Variants in ENAH observed in about 807,000 individuals in gnomAD.
ENAH encodes the protein ENAH actin regulator.
In ENAH, 23 loss-of-function variants were observed where a neutral mutation model predicts 78.7. The observed-to-expected ratio is 0.29, with a 90% CI of 0.21 to 0.41. The LOEUF (loss-of-function observed/expected upper bound fraction) is 0.41, where lower values mean the gene tolerates loss of function less well. ENAH is among the 10% of genes least tolerant of loss of function. The pLI, the probability that ENAH is intolerant of heterozygous loss-of-function variation, is 1.00. For missense variants in ENAH, 544 were observed against 691.0 expected (o/e 0.79, Z 2.39); for synonymous variants, 226 against 241.0 (o/e 0.94, Z 0.58).
rs1052217405 is a variant in ENAH, at chr1:225,491,926, T to C, written c.*5849A>G. ...ACTGCTGAAGAAATCTTTCTTGGAA[T>C]TGAAGGGAACAGTTAAATCAGATTT... On this transcript the variant is annotated 3_prime_UTR_variant, in exon 14 of 14. Coordinates refer to ENST00000366843, the MANE Select transcript of ENAH (RefSeq NM_018212.6). 4 of 152,192 alleles carry C rather than the reference T, an allele frequency of 2.6e-5. No homozygotes were observed. The highest frequency in any genetic ancestry group is 9.7e-5 in the African/African-American group (4 of 41,434). 9.4% of individuals were successfully genotyped at this position (152,192 alleles called of 1,614,324 possible).
At chr1:225,596,514 A>C (rs1390362706) in intron 1 of ENAH, among the ~76,000 whole-genome samples, 1 of 152,226 alleles carries the variant, frequency 6.6e-6, no homozygotes, top group Non-Finnish European at 1.5e-5. Flanking sequence ...GCTTCTGATT[A>C]AGAAGGAGGA....
chr1:225,562,267 T>C (rs1358517334), intron 2 of ENAH, among the ~76,000 whole-genome samples: 1 of 151,520 alleles, frequency 6.6e-6, no homozygotes, highest in African/African-American at 2.4e-5. Context: ...TCAGGAACGA[T>C]ATTCTATATA....
chr1:225,652,773 T>TG lies in ENAH; in HGVS notation c.-84dup. On this transcript the variant is annotated 5_prime_UTR_variant, in exon 1 of 14. Transcript: ENST00000366843. ...GAGGGGGGGGTCTCTCCTCCAGGGG[T>TG]GGGGAGCAGCTCGGAGACGGGAGAC... 1 of 1,176,672 alleles carries TG rather than the reference T, an allele frequency of 8.5e-7. No homozygotes were observed. The highest frequency in any genetic ancestry group is 2.8e-5 in the South Asian group (1 of 35,428). The allele number at this position is 1,176,672 out of a possible 1,614,324, so 72.9% of individuals were successfully genotyped here.
chr1:225,620,702 G>T (rs1055093206), intron 1 of ENAH, among the ~76,000 whole-genome samples: 1 of 151,830 alleles, frequency 6.6e-6, no homozygotes, highest in African/African-American at 2.4e-5. Flanking sequence ...CAGATCATAA[G>T]CTCCTTAAAT....
rs2096238759 is a variant in ENAH at position 225,494,222 on chromosome 1, AG to A, written c.*3552del. ...TGGGTCTGGTCAAAGAAAAAATACA[AG>A]GATTGTATTTTTGTATTTCTAATGA... On this transcript the variant is annotated 3_prime_UTR_variant, in exon 14 of 14. Coordinates refer to ENST00000366843, the MANE Select transcript of ENAH (RefSeq NM_018212.6). The A allele has an allele frequency of 6.6e-6, 1 of 152,034 alleles. No homozygotes were observed. The highest frequency in any genetic ancestry group is 1.5e-5 in the Non-Finnish European group (1 of 67,980). 9.4% of individuals were successfully genotyped at this position (152,034 alleles called of 1,614,324 possible). A position where few individuals can be genotyped will look rare whatever the true frequency, so the allele number is the denominator to read the frequency against.
chr1:225,652,790 A>G lies in ENAH; in HGVS notation c.-100T>C. 1 of 1,045,582 alleles carries G rather than the reference A, an allele frequency of 9.6e-7. No homozygotes were observed. The highest frequency in any genetic ancestry group is 1.2e-6 in the Non-Finnish European group (1 of 804,726). 64.8% of individuals were successfully genotyped at this position (1,045,582 alleles called of 1,614,324 possible). A position where few individuals can be genotyped will look rare whatever the true frequency, so the allele number is the denominator to read the frequency against. On this transcript the variant is annotated 5_prime_UTR_variant, in exon 1 of 14. Coordinates refer to ENST00000366843, the MANE Select transcript of ENAH (RefSeq NM_018212.6). ...TCCAGGGGTGGGGAGCAGCTCGGAG[A>G]CGGGAGACAAGTGTCCGGCTCCTCC...
chr1:225,525,537 G>A (rs907949515), intron 4 of ENAH, among the ~76,000 whole-genome samples: 6 of 151,946 alleles, frequency 3.9e-5, no homozygotes, highest in Non-Finnish European at 2.9e-5. Context: ...ACTACCCGTC[G>A]GGAGCCTTCA....
rs1553406945 is a variant in ENAH, at chr1:225,491,487, AAT to A, written c.*6286_*6287del. ...AATGCCTTTAATCTTTAAAAAAAAA[AAT>A]AAAAGAAAAAGAAAAAAAGAAAAGA... On this transcript the variant is annotated 3_prime_UTR_variant, in exon 14 of 14. Coordinates refer to ENST00000366843, the MANE Select transcript of ENAH (RefSeq NM_018212.6). 2 of 150,758 alleles carry A rather than the reference AAT, an allele frequency of 1.3e-5. No individual in the cohort carries two copies. Among genetic ancestry groups the A allele is most frequent in the Non-Finnish European group, 2.9e-5 (2 of 67,830 alleles). 9.3% of individuals were successfully genotyped at this position (150,758 alleles called of 1,614,324 possible).
intron 1 of ENAH, among the ~76,000 whole-genome samples, chr1:225,610,788 G>C (rs1225161419): frequency 1.3e-5 from 2 of 152,110 alleles, no homozygotes; most frequent in African/African-American, 2.4e-5. Flanking sequence ...CACTCCAAAA[G>C]CTGTATTTGG....
At chr1:225,566,259 GT>G (rs1160502487) in intron 2 of ENAH, among the ~76,000 whole-genome samples, 4 of 149,808 alleles carry the variant, frequency 2.7e-5, no homozygotes, top group Non-Finnish European at 5.9e-5. Context: ...TTTTTTGTGT[GT>G]TTTTTTGTTT....
chr1:225,621,330 T>C (rs1184756100), intron 1 of ENAH, among the ~76,000 whole-genome samples: 1 of 150,586 alleles, frequency 6.6e-6, no homozygotes, highest in Non-Finnish European at 1.5e-5. Context: ...TCTCGCTCTG[T>C]CGCCCAGGCT....
intron 1 of ENAH, among the ~76,000 whole-genome samples, chr1:225,576,860 C>A (rs1231975765): frequency 1.3e-5 from 2 of 152,208 alleles, no homozygotes; most frequent in South Asian, 2.1e-4. Context: ...CTGGGCCAGG[C>A]ACAGTGGCTC....
rs548903556 is a variant in ENAH, at chr1:225,493,143, A to T, written c.*4632T>A. 5.0e-4 allele frequency: 76 copies of T among 152,302 alleles called. No homozygotes were observed. The highest frequency in any genetic ancestry group is 5.7e-4 in the Non-Finnish European group (39 of 68,028). 9.4% of individuals were successfully genotyped at this position (152,302 alleles called of 1,614,324 possible). ...TTCATCTTTCCAGTATTGATATTTTAAAAAATCTTGATGTCTCAAAAATTA... is the reference window on the plus strand; with the variant it reads ...TTCATCTTTCCAGTATTGATATTTTTAAAAATCTTGATGTCTCAAAAATTA... On this transcript the variant is annotated 3_prime_UTR_variant, in exon 14 of 14. Transcript: ENST00000366843.
At chr1:225,533,722 T>C (rs1322961158) in intron 3 of ENAH, among the ~76,000 whole-genome samples, 1 of 152,148 alleles carries the variant, frequency 6.6e-6, no homozygotes, top group Non-Finnish European at 1.5e-5. Flanking sequence ...TAAAATCAGA[T>C]CAGGAGACTC....
intron 2 of ENAH, among the ~76,000 whole-genome samples, chr1:225,557,579 G>C (rs2096673189): frequency 6.6e-6 from 1 of 152,200 alleles, no homozygotes; most frequent in Admixed American, 6.5e-5. Context: ...CCAGCACTTT[G>C]GGAGGCCAAG....
intron 7 of ENAH, among the ~76,000 whole-genome samples, chr1:225,514,117 T>A (rs2096398304): frequency 6.6e-6 from 1 of 152,348 alleles, no homozygotes; most frequent in African/African-American, 2.4e-5. Flanking sequence ...TTATTTATAC[T>A]ATTCTTACAA....
chr1:225,583,208 G>A (rs950085413), intron 1 of ENAH, among the ~76,000 whole-genome samples: 10 of 152,002 alleles, frequency 6.6e-5, no homozygotes, highest in South Asian at 2.1e-4. Context: ...AGGCTGAGGC[G>A]AGCAGATCAC....
chr1:225,620,878 G>A (rs949252184), intron 1 of ENAH, among the ~76,000 whole-genome samples: 2 of 151,932 alleles, frequency 1.3e-5, no homozygotes, highest in African/African-American at 2.4e-5. Flanking sequence ...GGTGGCGGGC[G>A]CCTGTATTCC....
intron 1 of ENAH, among the ~76,000 whole-genome samples, chr1:225,598,047 AAG>A (rs1260704586): frequency 6.6e-6 from 1 of 151,920 alleles, no homozygotes; most frequent in Non-Finnish European, 1.5e-5. Flanking sequence ...TTTTTAAGGT[AAG>A]GAGACAGTTA....
Sources: gnomAD v4.1 joint callset for allele counts (sites outside exome capture counted in the v4.1 genomes callset) on GRCh38, gnomAD v4.1.1 for gene constraint, MANE v1.5 for transcripts, NCBI Gene and HGNC (gene_info 2026-07-23, HGNC 2026-07-21) for gene names.